Variants in IST1 observed in about 807,000 individuals in gnomAD.
IST1 encodes the protein IST1 factor associated with ESCRT-III.
IST1 carries 23 observed loss-of-function variants against 37.0 expected under a neutral mutation model. The observed-to-expected ratio is 0.62, with a 90% CI of 0.45 to 0.88. The LOEUF (loss-of-function observed/expected upper bound fraction) is 0.88. IST1 is among the 40% of genes least tolerant of loss of function. The pLI, the probability that IST1 is intolerant of heterozygous loss-of-function variation, is 0.00. For synonymous variants in IST1, 180 were observed against 161.7 expected, an observed-to-expected ratio of 1.11 and a Z score of -0.86; for missense variants, 488 against 445.4, an observed-to-expected ratio of 1.10 and a Z score of -0.86.
At position 71,929,216 on chromosome 16, in the gene IST1, A is replaced by G. The variant is rs1472746301; in HGVS notation, c.*1403A>G. On this transcript the variant is annotated 3_prime_UTR_variant, in exon 10 of 10. Transcript: ENST00000378799. ...TCAGTGGCAGGGCTCCGCATCTGCC[A>G]TGCCTCATCCTTGGATGTTTATTTT... 2 of 213,558 alleles carry G rather than the reference A, an allele frequency of 9.4e-6. No homozygotes were observed. Among genetic ancestry groups the G allele is most frequent in the Non-Finnish European group, 1.9e-5 (2 of 105,870 alleles). The allele number at this position is 213,558 out of a possible 1,614,324, so 13.2% of individuals were successfully genotyped here.
At chr16:71,920,425 T>G (rs1335695215) in intron 4 of IST1, among the ~76,000 whole-genome samples, 2 of 152,192 alleles carry the variant, frequency 1.3e-5, no homozygotes, top group Non-Finnish European at 2.9e-5. Context: ...ACAAGGGAAA[T>G]TTTGAAGAGG....
chr16:71,900,121 G>C lies in IST1; in HGVS notation c.-16+4532G>C, dbSNP rs540222616. Among the ~76,000 whole-genome samples the C allele has an allele frequency of 1.3e-5, 2 of 148,986 alleles. 1 individual carries two copies. Among genetic ancestry groups the C allele is most frequent in the South Asian group, 4.2e-4 (2 of 4,756 alleles). On this transcript the variant is annotated intron_variant, in intron 1 of 9. Transcript: ENST00000378799. ...GTGGAGGTTGCAGTAGGCTGAAATC[G>C]CACCATTGCATTCCAGCCTGGGCAA...
rs2143030155 is a variant in IST1 at position 71,929,147 on chromosome 16, A to G, written c.*1334A>G. On this transcript the variant is annotated 3_prime_UTR_variant, in exon 10 of 10. Coordinates refer to ENST00000378799, the MANE Select transcript of IST1 (RefSeq NM_001270975.2). ...GTACAGAGCTCATTTTGATCTCTGTATTTAGATAGCCCAGATAGCATCTGT... is the reference window on the plus strand; with the variant it reads ...GTACAGAGCTCATTTTGATCTCTGTGTTTAGATAGCCCAGATAGCATCTGT... 5.9e-6 allele frequency: 1 copy of G among 170,740 alleles called. No individual in the cohort carries two copies. The highest frequency in any genetic ancestry group is 1.4e-4 in the South Asian group (1 of 7,208). The allele number at this position is 170,740 out of a possible 1,614,324, so 10.6% of individuals were successfully genotyped here.
At chr16:71,899,105 G>C (rs1422606942) in intron 1 of IST1, among the ~76,000 whole-genome samples, 1 of 152,078 alleles carries the variant, frequency 6.6e-6, no homozygotes, top group Non-Finnish European at 1.5e-5. Flanking sequence ...GCTCCTTCAA[G>C]AAAATTTTGA....
Position 71,927,985 on chromosome 16 carries a change from T to A in IST1, c.*172T>A, listed in dbSNP as rs1340010038. ...GATTCTGCTGCTTTCCAGTTCTCTGTTGATCCTGAGACTAACAATTGGAGA... is the reference window on the plus strand; with the variant it reads ...GATTCTGCTGCTTTCCAGTTCTCTGATGATCCTGAGACTAACAATTGGAGA... On this transcript the variant is annotated 3_prime_UTR_variant, in exon 10 of 10. Coordinates refer to ENST00000378799, the MANE Select transcript of IST1 (RefSeq NM_001270975.2). The A allele has an allele frequency of 3.2e-5, 19 of 597,748 alleles. No homozygotes were observed. Among genetic ancestry groups the A allele is most frequent in the Non-Finnish European group, 5.4e-5 (18 of 336,252 alleles). The allele number at this position is 597,748 out of a possible 1,614,324, so 37.0% of individuals were successfully genotyped here.
chr16:71,912,091 C>G (rs1038303049), intron 1 of IST1, among the ~76,000 whole-genome samples: 2 of 152,118 alleles, frequency 1.3e-5, no homozygotes, highest in Non-Finnish European at 2.9e-5. Flanking sequence ...AGTTTTCTCA[C>G]TCATCATCAT....
chr16:71,904,215 C>G (rs2037170813), intron 1 of IST1, among the ~76,000 whole-genome samples: 2 of 152,148 alleles, frequency 1.3e-5, no homozygotes, highest in South Asian at 2.1e-4. Flanking sequence ...TCTCTGCCTG[C>G]CAGGTTCAAG....
rs1435916334 is a variant in IST1 at position 71,929,393 on chromosome 16, G to C, written c.*1580G>C. ...GTTAATCCTATCTTGACAGTGCCAA[G>C]ATCCATAAGAACTTGGGACCAAGGG... On this transcript the variant is annotated 3_prime_UTR_variant, in exon 10 of 10. Transcript: ENST00000378799. 6.4e-6 allele frequency: 5 copies of C among 780,488 alleles called. No homozygotes were observed. The highest frequency in any genetic ancestry group is 3.3e-5 in the Admixed American group (1 of 29,976). The allele number at this position is 780,488 out of a possible 1,614,324, so 48.3% of individuals were successfully genotyped here. A position where few individuals can be genotyped will look rare whatever the true frequency, so the allele number is the denominator to read the frequency against.
chr16:71,907,867 A>G (rs2037260975), intron 1 of IST1, among the ~76,000 whole-genome samples: 1 of 152,096 alleles, frequency 6.6e-6, no homozygotes, highest in South Asian at 2.1e-4. Flanking sequence ...AGGCTAGTCA[A>G]CTAAACTAGA....
At chr16:71,899,157 C>T (rs2037045909) in intron 1 of IST1, among the ~76,000 whole-genome samples, 1 of 152,102 alleles carries the variant, frequency 6.6e-6, no homozygotes. Context: ...GTGAATAACA[C>T]ATGATGCTGT....
At chr16:71,922,937 G>T (rs573096477) in intron 7 of IST1, 68 of 545,592 alleles carry the variant, frequency 1.2e-4, no homozygotes, top group African/African-American at 1.1e-3. Context: ...TTTGGGATCT[G>T]TTATAGTCAT....
intron 1 of IST1, among the ~76,000 whole-genome samples, chr16:71,911,304 A>G (rs956202843): frequency 6.6e-6 from 1 of 152,056 alleles, no homozygotes; most frequent in Non-Finnish European, 1.5e-5. Context: ...GGCAGTTATT[A>G]TCTGAGTGCT....
At chr16:71,913,221 A>G (rs1371993086) in intron 1 of IST1, among the ~76,000 whole-genome samples, 1 of 151,406 alleles carries the variant, frequency 6.6e-6, no homozygotes, top group East Asian at 1.9e-4. Context: ...TTGCAATCCC[A>G]CCAACAGTGC....
In IST1 at chr16:71,915,465, C is replaced by T. The variant is rs570375163; in HGVS notation, c.-15-161C>T. On this transcript the variant is annotated intron_variant, in intron 1 of 9. Transcript: ENST00000378799. ...ATCCTTCCCCAATCAGTTTTTTTTACAACAGCCAAAACAATCTGTAAAAAA... is the reference window on the plus strand; with the variant it reads ...ATCCTTCCCCAATCAGTTTTTTTTATAACAGCCAAAACAATCTGTAAAAAA... 9.7e-5 allele frequency: 52 copies of T among 537,062 alleles called. 1 individual carries two copies. Among genetic ancestry groups the T allele is most frequent in the African/African-American group, 6.7e-4 (34 of 50,784 alleles). 33.3% of individuals were successfully genotyped at this position (537,062 alleles called of 1,614,324 possible).
chr16:71,923,045 T>C (rs1411826989), intron 7 of IST1: 1 of 471,128 alleles, frequency 2.1e-6, no homozygotes, highest in African/African-American at 2.0e-5. Flanking sequence ...AAAGTCTCGT[T>C]AGAGTTTTCC....
chr16:71,929,662 ATTAGTGCAGCT>A lies in IST1; in HGVS notation c.*1851_*1861del. The A allele has an allele frequency of 6.5e-7, 1 of 1,549,744 alleles. No homozygotes were observed. The highest frequency in any genetic ancestry group is 8.7e-7 in the Non-Finnish European group (1 of 1,146,304). ...TGAGAGCTTCTGTAGCAGTGTATCT[ATTAGTGCAGCT>A]TCTTTCTGAGTATTGAAGACAAAAA... On this transcript the variant is annotated 3_prime_UTR_variant, in exon 10 of 10. Coordinates refer to ENST00000378799, the MANE Select transcript of IST1 (RefSeq NM_001270975.2).
upstream of IST1, chr16:71,894,560 C>G: frequency 3.5e-4 from 93 of 264,430 alleles, no homozygotes; most frequent in East Asian, 4.9e-4. Context: ...TTCTTTTTTT[C>G]TGTAGCCTAG....
chr16:71,926,556 C>T (rs889009993), intron 9 of IST1, among the ~76,000 whole-genome samples: 4 of 151,774 alleles, frequency 2.6e-5, no homozygotes, highest in African/African-American at 9.7e-5. Flanking sequence ...CCATGTTAGC[C>T]AGGATGGTCT....
At chr16:71,924,591 A>G (rs1384364239) in intron 8 of IST1, 178 bp from the exon 9 acceptor site, 1 of 613,970 alleles carries the variant, frequency 1.6e-6, no homozygotes, top group Non-Finnish European at 2.9e-6. Flanking sequence ...CTGTCTCAAA[A>G]TCAAAGGAGT....
Sources: allele counts gnomAD v4.1 joint callset (sites outside exome capture counted in the v4.1 genomes callset), GRCh38; gene constraint gnomAD v4.1.1; transcripts MANE v1.5; gene names NCBI Gene and HGNC (gene_info 2026-07-23, HGNC 2026-07-21).